MYH15: variants seen among roughly 807,000 people sequenced by gnomAD.
MYH15 encodes myosin-15.
In MYH15, 227 loss-of-function variants were observed where a neutral mutation model predicts 240.5. The ratio of observed to expected loss-of-function variants is 0.94; its 90% CI spans 0.85 to 1.05. The LOEUF is 1.05. Among genes scored for constraint, MYH15 ranks in the 50% least tolerant of loss-of-function variants. MYH15 has a pLI of 0.00. For synonymous variants in MYH15, 785 were observed against 796.7 expected (o/e 0.99, Z 0.25); for missense variants, 2,217 against 2,247.5 (o/e 0.99, Z 0.27).
At chr3:108,465,030 C>T (rs1472351079) in intron 14 of MYH15, among the ~76,000 whole-genome samples, 1 of 152,138 alleles carries the variant, frequency 6.6e-6, no homozygotes, top group African/African-American at 2.4e-5. Context: ...CAGCTGTGAG[C>T]CACATATACA....
rs1379477255 is a variant in MYH15 at position 108,430,866 on chromosome 3, A to T, written c.3278T>A (p.Val1093Glu). 2 of 1,612,486 alleles carry T rather than the reference A, an allele frequency of 1.2e-6. No homozygotes were observed. The highest frequency in any genetic ancestry group is 1.7e-6 in the Non-Finnish European group (2 of 1,179,760). The change falls in exon 26 of 41, where the codon GTA becomes GAA. Residue 1093 changes from valine to glutamate, a missense_variant. Physicochemically the swap from Val to Glu is moderately radical, Grantham distance 121 (BLOSUM62 -2). Transcript: ENST00000693548. ...NSKVENEKGL[V>E]AQLQKTVKEL... is the part of the protein sequence containing the mutation. The stretch of plus-strand genomic sequence containing the variant: ...TTTAACCGTCTTCTGAAGCTGAGCT[A>T]CCAGGCCTTTCTCATTCTCCACTTT...
the MYH15 span, among the ~76,000 whole-genome samples, chr3:108,540,565 C>T: frequency 6.6e-6 from 1 of 152,048 alleles, no homozygotes; most frequent in East Asian, 1.9e-4. Flanking sequence ...TTATAGATAT[C>T]GAAAAGATCT....
chr3:108,499,379 T>C (rs2083419483), intron 5 of MYH15, 76 bp downstream of exon 5: 1 of 1,418,502 alleles, frequency 7.0e-7, no homozygotes, highest in Admixed American at 1.8e-5. Context: ...CAAAGTTTTA[T>C]TCCCAGTGAA....
chr3:108,523,770 A>G (rs770755255), intron 1 of MYH15, among the ~76,000 whole-genome samples: 23 of 152,034 alleles, frequency 1.5e-4, no homozygotes, highest in Non-Finnish European at 2.8e-4. Flanking sequence ...ATACAGACAT[A>G]TCACATATTG....
At chr3:108,418,468 C>T (rs1044455109) in intron 28 of MYH15, among the ~76,000 whole-genome samples, 1 of 152,144 alleles carries the variant, frequency 6.6e-6, no homozygotes, top group African/African-American at 2.4e-5. Context: ...TTTTAATCAT[C>T]GTTGCTTTTG....
intron 35 of MYH15, among the ~76,000 whole-genome samples, chr3:108,397,146 A>T (rs542277009): frequency 4.6e-5 from 7 of 152,222 alleles, no homozygotes; most frequent in Non-Finnish European, 1.0e-4. Context: ...CTTCACTCTT[A>T]GCTACTCAAA....
chr3:108,416,771 C>A, intron 29 of MYH15, 41 bp downstream of exon 29: 1 of 1,447,058 alleles, frequency 6.9e-7, no homozygotes, highest in African/African-American at 1.5e-5. Flanking sequence ...AAAAAAAAAA[C>A]ACACAGTCAA....
chr3:108,398,905 C>T (rs2082483491), intron 34 of MYH15, 65 bp from the exon 35 acceptor site: 3 of 1,501,466 alleles, frequency 2.0e-6, no homozygotes, highest in African/African-American at 2.8e-5. Context: ...TATGCACCTA[C>T]ACATGCATGA....
Position 108,398,671 on chromosome 3 carries a change from T to C in MYH15, c.5099A>G (p.Glu1700Gly), listed in dbSNP as rs1420075428. ...GAAAAGATTGATTCTTTCTGTTGCT[T>C]CCAGGAGCTCTTCTTCTGACAGCCT... ...GRRLSEEELL[E>G]ATERINLFYT... The change falls in exon 35 of 41, where the codon GAA (glutamate) becomes GGA (glycine). Residue 1700 changes from glutamate (E) to glycine (G), a missense_variant. Physicochemically the swap from Glu to Gly is moderately conservative, Grantham distance 98 (BLOSUM62 -2). Coordinates refer to ENST00000693548, the MANE Select transcript of MYH15 (RefSeq NM_014981.3). 1.9e-6 allele frequency: 3 copies of C among 1,613,754 alleles called. No individual in the cohort carries two copies. Among genetic ancestry groups the C allele is most frequent in the Non-Finnish European group, 2.5e-6 (3 of 1,180,044 alleles).
chr3:108,459,316 TCAA>T (rs2107580181), intron 18 of MYH15, 43 bp downstream of exon 18: 1 of 1,228,110 alleles, frequency 8.1e-7, no homozygotes, highest in African/African-American at 1.5e-5. Context: ...ATAGCTAATA[TCAA>T]ATCTATTTCC....
intron 30 of MYH15, among the ~76,000 whole-genome samples, chr3:108,413,836 C>T (rs181374570): frequency 1.6e-4 from 25 of 152,284 alleles, no homozygotes; most frequent in African/African-American, 4.6e-4. Flanking sequence ...ACCAGGGACA[C>T]AACGACTTTG....
intron 29 of MYH15, among the ~76,000 whole-genome samples, chr3:108,415,871 G>T (rs143910233): frequency 2.0e-5 from 3 of 152,146 alleles, no homozygotes; most frequent in African/African-American, 7.2e-5. Context: ...GGGCTTGTAG[G>T]CCAATTGGAA....
chr3:108,386,514 G>A (rs971843146), intron 38 of MYH15, among the ~76,000 whole-genome samples: 1 of 152,180 alleles, frequency 6.6e-6, no homozygotes, highest in Non-Finnish European at 1.5e-5. Context: ...GCATAGTGAA[G>A]TCACTAGTGT....
chr3:108,507,276 T>TATATATAC (rs1340070501), intron 1 of MYH15, among the ~76,000 whole-genome samples: 1 of 98,010 alleles, frequency 1.0e-5, no homozygotes, highest in Non-Finnish European at 2.1e-5. Flanking sequence ...TATATATATA[T>TATATATAC]ACACATATGA....
chr3:108,514,842 C>G (rs113848067), upstream of MYH15, among the ~76,000 whole-genome samples: 4,304 of 152,226 alleles, frequency 0.028, 227 homozygotes, highest in African/African-American at 0.098. Context: ...GTCTCATTCT[C>G]TGCCCACCAT....
In MYH15 at chr3:108,428,739, T is replaced by TG. The variant is rs751475661; in HGVS notation, c.3454dup (p.Gln1152ProfsTer6). On this transcript the variant is annotated frameshift_variant, in exon 27 of 41. Coordinates refer to ENST00000693548, the MANE Select transcript of MYH15 (RefSeq NM_014981.3). LOFTEE classifies it high-confidence loss of function. ...TTCCTGTTTCTTAGTTATTTCCAGCTGAGCCAAACTGGATCCTCCTACCTC... is the reference window on the plus strand; with the variant it reads ...TTCCTGTTTCTTAGTTATTTCCAGCTGGAGCCAAACTGGATCCTCCTACCTC... The TG allele has an allele frequency of 1.7e-5, 28 of 1,614,062 alleles. No homozygotes were observed. The South Asian group carries it at 3.1e-4, about 18-fold the overall frequency.
At position 108,470,592 on chromosome 3, in the gene MYH15, G is replaced by A. The variant is rs1027933367; in HGVS notation, c.1383+106C>T. On this transcript the variant is annotated intron_variant, in intron 13 of 40. Coordinates refer to ENST00000693548, the MANE Select transcript of MYH15 (RefSeq NM_014981.3). ...CCAAACAAGGTAGCCCTTAAGGTTT[G>A]CATAGAATGATCCCCATGCTTTGAC... The A allele has an allele frequency of 8.5e-6, 10 of 1,174,160 alleles. No individual in the cohort carries two copies. In the South Asian group the frequency reaches 1.1e-4, roughly 12 times the overall value. 72.7% of individuals were successfully genotyped at this position (1,174,160 alleles called of 1,614,324 possible).
chr3:108,432,611 G>C (rs2082787850), intron 25 of MYH15, among the ~76,000 whole-genome samples: 1 of 152,110 alleles, frequency 6.6e-6, no homozygotes, highest in Non-Finnish European at 1.5e-5. Flanking sequence ...TGGTTTCGTG[G>C]GCTGGGCCCA....
At chr3:108,446,331 G>C (rs2082927727) in intron 21 of MYH15, among the ~76,000 whole-genome samples, 1 of 152,084 alleles carries the variant, frequency 6.6e-6, no homozygotes, top group African/African-American at 2.4e-5. Context: ...CAGGAACTGG[G>C]CCTGAATGTG....
Sources: allele counts gnomAD v4.1 joint callset (sites outside exome capture counted in the v4.1 genomes callset), GRCh38; gene constraint gnomAD v4.1.1; transcripts MANE v1.5; gene names NCBI Gene and HGNC (gene_info 2026-07-23, HGNC 2026-07-21).